GATAD2A: variants seen among roughly 807,000 people sequenced by gnomAD.
GATAD2A encodes the protein GATA zinc finger domain containing 2A.
Under a neutral mutation model 68.5 loss-of-function variants are expected in GATAD2A, and 12 were observed. The ratio of observed to expected loss-of-function variants is 0.18; its 90% confidence interval spans 0.11 to 0.28. The LOEUF (loss-of-function observed/expected upper bound fraction) is 0.28. Ranked by LOEUF, GATAD2A falls within the 10% of genes least tolerant of loss-of-function variation. GATAD2A has a pLI of 1.00. For synonymous variants in GATAD2A, 410 were observed against 375.3 expected (o/e 1.09, Z -1.07); for missense variants, 755 against 868.5 (o/e 0.87, Z 1.64).
chr19:19,473,432 C>T (rs1365746773), intron 2 of GATAD2A, among the ~76,000 whole-genome samples: 1 of 152,206 alleles, frequency 6.6e-6, no homozygotes, highest in Non-Finnish European at 1.5e-5. Context: ...TTTACTGGGC[C>T]TGCAAAACCA....
upstream of GATAD2A, among the ~76,000 whole-genome samples, chr19:19,400,856 C>A (rs1893707890): frequency 6.6e-6 from 1 of 151,966 alleles, no homozygotes; most frequent in Admixed American, 6.6e-5. Flanking sequence ...ATGCAAAGTA[C>A]AGAAAGTAGG....
chr19:19,448,256 G>A (rs765044241), intron 1 of GATAD2A, among the ~76,000 whole-genome samples: 4 of 152,220 alleles, frequency 2.6e-5, no homozygotes, highest in Admixed American at 2.0e-4. Flanking sequence ...CTTCACAGGC[G>A]GCACCTTTGT....
chr19:19,457,523 G>C (rs568611611), intron 1 of GATAD2A, among the ~76,000 whole-genome samples: 38 of 152,094 alleles, frequency 2.5e-4, no homozygotes, highest in African/African-American at 8.7e-4. Context: ...GGCGGATCAC[G>C]AGGTCAGGAG....
intron 5 of GATAD2A, among the ~76,000 whole-genome samples, chr19:19,495,305 C>A (rs930508173): frequency 6.7e-6 from 1 of 149,836 alleles, no homozygotes; most frequent in Non-Finnish European, 1.5e-5. Flanking sequence ...GCTTTTTTTT[C>A]TTTTTTTCTT....
In GATAD2A at chr19:19,502,492, C is replaced by G; in HGVS notation, c.1740C>G (p.Ala580=). 1 of 1,613,086 alleles carries G rather than the reference C, an allele frequency of 6.2e-7. No individual in the cohort carries two copies. The highest frequency in any genetic ancestry group is 8.5e-7 in the Non-Finnish European group (1 of 1,179,796). ...CCGTGAGCGCCGGCAAGGGCAGCGC[C>G]ACCTCCAACTGGAAGAAGACGCCCC... ...ERTVSAGKGS[A]TSNWKKTPLS... is the part of the protein sequence containing the mutation. Residue 580 remains alanine (A), a synonymous_variant, in exon 11 of 12, where the codon GCC becomes GCG. Coordinates refer to ENST00000683918, the MANE Select transcript of GATAD2A (RefSeq NM_001384528.1).
chr19:19,459,400 C>G (rs1422524860), intron 1 of GATAD2A, among the ~76,000 whole-genome samples: 3 of 148,516 alleles, frequency 2.0e-5, no homozygotes, highest in African/African-American at 7.5e-5. Context: ...GTAAATGGTA[C>G]TATGCTATTC....
Position 19,492,376 on chromosome 19 carries a change from A to C in GATAD2A, c.340A>C (p.Ser114Arg), listed in dbSNP as rs1290735870. The C allele has an allele frequency of 6.2e-7, 1 of 1,613,402 alleles. No homozygotes were observed. The highest frequency in any genetic ancestry group is 2.2e-5 in the East Asian group (1 of 44,848). ...GCTCTCCGACAACGAGCAGCCCTCG[A>C]GCCCGAGAGTGAATGGGCTGACCAC... ...IVLSDNEQPS[S>R]PRVNGLTTVA... is the part of the protein sequence containing the mutation. Residue 114 changes from serine to arginine, a missense_variant, in exon 3 of 12, where the codon AGC becomes CGC. Ser to Arg is a moderately radical substitution (Grantham distance 110). Transcript: ENST00000683918.
intron 1 of GATAD2A, among the ~76,000 whole-genome samples, chr19:19,435,798 C>T (rs2054273484): frequency 6.6e-6 from 1 of 152,076 alleles, no homozygotes; most frequent in African/African-American, 2.4e-5. Context: ...TGCAGTGAGC[C>T]GAGATCGTGC....
intron 1 of GATAD2A, among the ~76,000 whole-genome samples, chr19:19,416,010 T>C (rs763279932): frequency 5.7e-4 from 86 of 151,924 alleles, no homozygotes; most frequent in Admixed American, 2.4e-3. Context: ...CAGGCTAGAG[T>C]GCAGAGGCTC....
chr19:19,434,060 A>G (rs1043957119), intron 1 of GATAD2A, among the ~76,000 whole-genome samples: 3 of 152,336 alleles, frequency 2.0e-5, no homozygotes, highest in African/African-American at 7.2e-5. Context: ...GGCATGAGCC[A>G]CTGTGCCCGG....
In GATAD2A at chr19:19,504,341, CTG is replaced by C. The variant is rs2060740794; in HGVS notation, c.1775-1000_1775-999del. ...ATTTGGAAAATACAGAGAGAAAAGA[CTG>C]TGGCAATGGCTTGTATTTTCCTCCC... On this transcript the variant is annotated intron_variant, in intron 11 of 11. Coordinates refer to ENST00000683918, the MANE Select transcript of GATAD2A (RefSeq NM_001384528.1). Among the ~76,000 whole-genome samples, 5 of 152,326 alleles carry C rather than the reference CTG, an allele frequency of 3.3e-5. No individual in the cohort carries two copies. In the South Asian group the frequency reaches 1.0e-3, roughly 32 times the overall value.
intron 2 of GATAD2A, among the ~76,000 whole-genome samples, chr19:19,467,159 A>G (rs1321726008): frequency 1.3e-5 from 2 of 152,212 alleles, no homozygotes; most frequent in Non-Finnish European, 2.9e-5. Flanking sequence ...GTGGATCACA[A>G]GGTCAGGAGA....
intron 1 of GATAD2A, among the ~76,000 whole-genome samples, chr19:19,449,176 T>C (rs1466002159): frequency 1.3e-5 from 2 of 152,168 alleles, no homozygotes; most frequent in African/African-American, 4.8e-5. Context: ...CCCTGCACAA[T>C]AGCGTGGTGA....
chr19:19,397,755 C>T (rs559555463), intron 1 of GATAD2A, among the ~76,000 whole-genome samples: 1 of 150,954 alleles, frequency 6.6e-6, no homozygotes, highest in South Asian at 2.1e-4. Context: ...TTTTTTGAGA[C>T]AGAGTCGCAC....
chr19:19,493,007 C>T (rs2059908137), intron 4 of GATAD2A, among the ~76,000 whole-genome samples: 1 of 150,832 alleles, frequency 6.6e-6, no homozygotes, highest in Admixed American at 6.6e-5. Context: ...TTGACGCAAC[C>T]TTGGCTCACT....
At chr19:19,487,252 CTTG>C (rs978247801) in intron 2 of GATAD2A, among the ~76,000 whole-genome samples, 2 of 152,186 alleles carry the variant, frequency 1.3e-5, no homozygotes, top group African/African-American at 4.8e-5. Context: ...CACCTTGTCC[CTTG>C]TTGGGAGCTG....
chr19:19,425,596 G>A (rs1200542827), intron 1 of GATAD2A, among the ~76,000 whole-genome samples: 4 of 152,206 alleles, frequency 2.6e-5, no homozygotes, highest in South Asian at 4.2e-4. Flanking sequence ...AGAAATGCCC[G>A]CTCTCTTGTT....
intron 8 of GATAD2A, 113 bp downstream of exon 8, chr19:19,498,835 T>C (rs1400232398): frequency 5.7e-6 from 5 of 880,642 alleles, no homozygotes; most frequent in African/African-American, 5.0e-5. Flanking sequence ...CTAGCCAGGA[T>C]GGTCCTGGGT....
At chr19:19,464,558 C>G (rs1378258349) in intron 1 of GATAD2A, 1 of 152,294 alleles carries the variant, frequency 6.6e-6, no homozygotes, top group African/African-American at 2.4e-5. Context: ...GACTGGTTTT[C>G]TGGAAAGTGC....
Sources: gnomAD v4.1 joint callset for allele counts (sites outside exome capture counted in the v4.1 genomes callset) on GRCh38, gnomAD v4.1.1 for gene constraint, MANE v1.5 for transcripts, NCBI Gene and HGNC (gene_info 2026-07-23, HGNC 2026-07-21) for gene names.